Variants in SEC31A observed in about 807,000 individuals in gnomAD.
SEC31A encodes the protein protein transport protein Sec31A.
Under a neutral mutation model 151.0 loss-of-function variants are expected in SEC31A, and 70 were observed. The ratio of observed to expected loss-of-function variants is 0.46; its 90% CI spans 0.38 to 0.57. The LOEUF is 0.57. SEC31A is among the 20% of genes least tolerant of loss of function. The pLI, the probability that SEC31A is intolerant of heterozygous loss-of-function variation, is 0.00. For missense variants in SEC31A, 1,330 were observed against 1,471.2 expected (o/e 0.90, Z 1.57); for synonymous variants, 475 against 505.9 (o/e 0.94, Z 0.82).
At chr4:82,868,473 C>G (rs1163176518) in intron 8 of SEC31A, among the ~76,000 whole-genome samples, 3 of 151,446 alleles carry the variant, frequency 2.0e-5, no homozygotes, top group Non-Finnish European at 4.4e-5. Context: ...TGCATTCCAG[C>G]TTGGGAGACA....
intron 12 of SEC31A, chr4:82,863,089 A>T (rs1332537273): frequency 2.3e-6 from 1 of 434,384 alleles, no homozygotes; most frequent in African/African-American, 2.1e-5. Context: ...AGAATGATGA[A>T]AGGCTAATAC....
At chr4:82,849,613 C>CAAAA (rs5859835) in intron 19 of SEC31A, among the ~76,000 whole-genome samples, 2 of 109,662 alleles carry the variant, frequency 1.8e-5, no homozygotes, top group Admixed American at 1.1e-4. Context: ...GAATCCGTCT[C>CAAAA]AAAAAAAAAA....
intron 20 of SEC31A, among the ~76,000 whole-genome samples, chr4:82,847,225 G>A (rs11724016): frequency 0.28 from 42,046 of 151,940 alleles, 6,854 homozygotes; most frequent in East Asian, 0.49. Context: ...TAAAGGCAAA[G>A]CTGCGCTGGT....
chr4:82,847,335 TCAG>T (rs1441583327), intron 20 of SEC31A, among the ~76,000 whole-genome samples: 2 of 152,228 alleles, frequency 1.3e-5, no homozygotes, highest in Non-Finnish European at 2.9e-5. Flanking sequence ...CCTCATTCAT[TCAG>T]TACATCTTAA....
intron 4 of SEC31A, chr4:82,877,767 C>G (rs1243085529): frequency 6.6e-6 from 1 of 152,202 alleles, no homozygotes; most frequent in African/African-American, 2.4e-5. Flanking sequence ...TCTCAACTCA[C>G]TGCGATCTCC....
chr4:82,867,345 C>T lies in SEC31A; in HGVS notation c.883-29G>A, dbSNP rs754846787. Reference sequence around the variant, plus strand: ...GGCCAACAAAAAACAAACAACAAAACTCAGAAAATGGTATGGCCACTTTGT... The same window carrying T: ...GGCCAACAAAAAACAAACAACAAAATTCAGAAAATGGTATGGCCACTTTGT... On this transcript the variant is annotated intron_variant, in intron 8 of 26. Coordinates refer to ENST00000395310, the MANE Select transcript of SEC31A (RefSeq NM_001077207.4). The T allele has an allele frequency of 1.9e-6, 3 of 1,607,398 alleles. No homozygotes were observed. The Admixed American group carries it at 5.0e-5, about 27-fold the overall frequency.
At chr4:82,851,797 T>C (rs1731510877) in intron 18 of SEC31A, among the ~76,000 whole-genome samples, 193 bp from the exon 19 acceptor site, 1 of 152,212 alleles carries the variant, frequency 6.6e-6, no homozygotes, top group Admixed American at 6.5e-5. Flanking sequence ...CTCTTACTTA[T>C]GGATAGGGTA....
chr4:82,842,851 G>T (rs530387541), intron 21 of SEC31A: 1 of 179,414 alleles, frequency 5.6e-6, no homozygotes, highest in African/African-American at 2.4e-5. Context: ...CCACTTCACA[G>T]AAAAAGTTAC....
At chr4:82,830,844 T>C (rs1342597879) in intron 22 of SEC31A, 4 of 419,700 alleles carry the variant, frequency 9.5e-6, no homozygotes, top group Admixed American at 4.8e-5. Flanking sequence ...TATCATCATC[T>C]TTGAAGTTCA....
intron 1 of SEC31A, among the ~76,000 whole-genome samples, chr4:82,882,729 C>T (rs1739671169): frequency 6.6e-6 from 1 of 152,180 alleles, no homozygotes; most frequent in Non-Finnish European, 1.5e-5. Context: ...AGTAAGCCCA[C>T]AGATTTTAAA....
Position 82,832,997 on chromosome 4 carries a change from C to T in SEC31A, c.2969-3939G>A, listed in dbSNP as rs181108134. 7.6e-3 allele frequency among the ~76,000 whole-genome samples: 1,158 copies of T among 152,218 alleles called. 18 individuals are homozygous for T. The highest frequency in any genetic ancestry group is 0.026 in the African/African-American group (1,099 of 41,522). On this transcript the variant is annotated intron_variant, in intron 22 of 26. Coordinates refer to ENST00000395310, the MANE Select transcript of SEC31A (RefSeq NM_001077207.4). ...TCAACCATTGTGGAAGACAGTGTGG[C>T]GATTCCTCAAGGATCTAGAACTAGG...
chr4:82,891,416 G>C, upstream of SEC31A: 2 of 584,622 alleles, frequency 3.4e-6, no homozygotes, highest in Non-Finnish European at 6.1e-6. Flanking sequence ...GCAGAATGTG[G>C]ATGGGGTAGC....
chr4:82,819,438 C>A (rs1252186347), intron 26 of SEC31A, among the ~76,000 whole-genome samples, 185 bp from the exon 27 acceptor site: 1 of 152,116 alleles, frequency 6.6e-6, no homozygotes, highest in Non-Finnish European at 1.5e-5. Context: ...ACAACCACAA[C>A]AAAATGATTT....
chr4:82,864,718 CCA>C (rs1734931515), intron 10 of SEC31A, 120 bp from the exon 11 acceptor site: 2 of 687,446 alleles, frequency 2.9e-6, no homozygotes, highest in East Asian at 5.3e-5. Flanking sequence ...CTCTCATGCG[CCA>C]CAGTCTGACA....
intron 12 of SEC31A, among the ~76,000 whole-genome samples, chr4:82,862,882 T>C (rs1388829231): frequency 6.6e-6 from 1 of 152,220 alleles, no homozygotes; most frequent in Non-Finnish European, 1.5e-5. Context: ...TTTAGACTAC[T>C]AATAAAGTTA....
rs758471293 is a variant in SEC31A at position 82,857,689 on chromosome 4, C to A, written c.1702G>T (p.Asp568Tyr). The change falls in exon 15 of 27, where the codon GAC becomes TAC. Residue 568 changes from aspartate to tyrosine, a missense_variant and splice_region_variant. By Grantham distance (160) the Asp-to-Tyr change is radical. Transcript: ENST00000395310. ...GAAATCAAAACCAACAAGTACTTACCCCCACTGACAGAGATATTAAATGTT... is the reference window on the plus strand; with the variant it reads ...GAAATCAAAACCAACAAGTACTTACACCCACTGACAGAGATATTAAATGTT... ...GGTFNISVSG[D>Y]IDGLITQALL... is the part of the protein sequence containing the mutation. 3 of 1,562,362 alleles carry A rather than the reference C, an allele frequency of 1.9e-6. No homozygotes were observed. The highest frequency in any genetic ancestry group is 2.6e-6 in the Non-Finnish European group (3 of 1,135,720).
At chr4:82,839,769 G>C (rs1192934512) in intron 22 of SEC31A, among the ~76,000 whole-genome samples, 1 of 152,206 alleles carries the variant, frequency 6.6e-6, no homozygotes, top group Non-Finnish European at 1.5e-5. Flanking sequence ...ACTGCATGCT[G>C]AACACTGAAA....
chr4:82,883,947 C>A (rs1438329777), intron 1 of SEC31A, among the ~76,000 whole-genome samples: 1 of 149,624 alleles, frequency 6.7e-6, no homozygotes, highest in African/African-American at 2.5e-5. Context: ...GTCATCTCTT[C>A]TGTCTAGTCA....
chr4:82,859,001 G>T (rs114828227), intron 14 of SEC31A, among the ~76,000 whole-genome samples: 2 of 151,738 alleles, frequency 1.3e-5, no homozygotes, highest in Non-Finnish European at 2.9e-5. Context: ...ACGCCAGGCC[G>T]GAAAATATAT....
Sources: gnomAD v4.1 joint callset for allele counts (sites outside exome capture counted in the v4.1 genomes callset) on GRCh38, gnomAD v4.1.1 for gene constraint, MANE v1.5 for transcripts, NCBI Gene and HGNC (gene_info 2026-07-23, HGNC 2026-07-21) for gene names.